The following C12orf54 variants were observed in gnomAD, a reference collection of about 807,000 sequenced individuals.
C12orf54 encodes the protein chromosome 12 open reading frame 54.
In C12orf54, 24 loss-of-function variants were observed where a neutral mutation model predicts 26.4. That is an observed-to-expected ratio of 0.91 (90% confidence interval 0.66 to 1.28). C12orf54 has a LOEUF of 1.28. C12orf54 is among the 50% of genes most tolerant of loss of function. The pLI, the probability that C12orf54 is intolerant of heterozygous loss-of-function variation, is 0.00. For missense variants in C12orf54, 154 were observed against 150.9 expected (o/e 1.02, Z -0.11); for synonymous variants, 54 against 47.0 (o/e 1.15, Z -0.61).
upstream of C12orf54, among the ~76,000 whole-genome samples, chr12:48,479,058 C>T (rs1185638493): frequency 6.6e-6 from 1 of 152,148 alleles, no homozygotes; most frequent in Non-Finnish European, 1.5e-5. Flanking sequence ...AAGATACATG[C>T]ACACGTATGT....
At chr12:48,472,577 G>C in the C12orf54 span, 1 of 1,516,232 alleles carries the variant, frequency 6.6e-7, no homozygotes, top group Non-Finnish European at 9.0e-7. Flanking sequence ...AGCAGAGCTG[G>C]TTGAGCTTTC....
the C12orf54 span, among the ~76,000 whole-genome samples, chr12:48,429,016 G>A: frequency 2.6e-5 from 4 of 152,056 alleles, no homozygotes; most frequent in East Asian, 3.8e-4. Flanking sequence ...TTTAACATAC[G>A]CAAGTCAATA....
the C12orf54 span, among the ~76,000 whole-genome samples, chr12:48,448,349 ACATAAATGTCT>A: frequency 8.0e-3 from 1,218 of 152,338 alleles, 9 homozygotes; most frequent in Middle Eastern, 0.041. Flanking sequence ...TAAAAACTTT[ACATAAATGTCT>A]CTTGTTATAT....
rs199649180 is a variant in C12orf54, at chr12:48,490,815, C to T, written c.172C>T (p.Gln58Ter). ...CTGTATTCTCATTATTTTTCAGCTG[C>T]AGGAAGATGCTCGGATTCGAGGTAA... The part of the protein sequence containing the change: ...TVFKDIQKEL[Q>*]EDARIRGMSN... The change falls in exon 6 of 9, where the codon CAG (glutamine) becomes TAG (stop). Residue 58 changes from glutamine to a stop codon, truncating the protein, a stop_gained. Transcript: ENST00000548364. LOFTEE classifies it high-confidence loss of function. The T allele has an allele frequency of 6.8e-6, 11 of 1,613,560 alleles. No individual in the cohort carries two copies. In the Admixed American group the frequency reaches 1.2e-4, roughly 17 times the overall value.
chr12:48,448,238 A>G, the C12orf54 span, among the ~76,000 whole-genome samples: 1 of 152,208 alleles, frequency 6.6e-6, no homozygotes, highest in Admixed American at 6.5e-5. Context: ...GTATTGTTTT[A>G]GTTTGCTATA....
chr12:48,418,212 G>A, the C12orf54 span, among the ~76,000 whole-genome samples: 1 of 152,208 alleles, frequency 6.6e-6, no homozygotes, highest in Non-Finnish European at 1.5e-5. Flanking sequence ...GGAAAGCAAA[G>A]CATGTATAAA....
the C12orf54 span, among the ~76,000 whole-genome samples, chr12:48,428,639 C>G: frequency 6.6e-6 from 1 of 152,028 alleles, no homozygotes; most frequent in Non-Finnish European, 1.5e-5. Context: ...ATACCCTAAA[C>G]AGACCAATAA....
chr12:48,419,906 A>T, the C12orf54 span, among the ~76,000 whole-genome samples: 4 of 152,212 alleles, frequency 2.6e-5, no homozygotes, highest in African/African-American at 7.2e-5. Context: ...AAAGAAATAT[A>T]TTAGCTCGCA....
At chr12:48,417,100 A>T in the C12orf54 span, 1 of 152,264 alleles carries the variant, frequency 6.6e-6, no homozygotes, top group Non-Finnish European at 1.5e-5. Flanking sequence ...TTTTCTTCAT[A>T]AATTACCCAA....
chr12:48,473,347 T>C, the C12orf54 span: 1 of 1,154,990 alleles, frequency 8.7e-7, no homozygotes, highest in Non-Finnish European at 1.3e-6. Flanking sequence ...GAAGAAGAGC[T>C]TGGTGAAGAA....
chr12:48,472,868 G>A, the C12orf54 span: 11 of 1,613,938 alleles, frequency 6.8e-6, no homozygotes, highest in African/African-American at 1.5e-4. Context: ...AACTTAAGAA[G>A]CTTGAACTAA....
intron 5 of C12orf54, chr12:48,489,185 G>A (rs928349970): frequency 1.4e-6 from 1 of 690,862 alleles, no homozygotes; most frequent in South Asian, 1.5e-5. Flanking sequence ...ACAGAAAATT[G>A]TATCTGCTAG....
chr12:48,414,035 A>G, the C12orf54 span, among the ~76,000 whole-genome samples: 1 of 152,250 alleles, frequency 6.6e-6, no homozygotes, highest in East Asian at 1.9e-4. Flanking sequence ...CTTTTGTCCA[A>G]AATCTGATAA....
the C12orf54 span, among the ~76,000 whole-genome samples, chr12:48,414,110 T>C: frequency 1.3e-5 from 2 of 152,232 alleles, no homozygotes; most frequent in Admixed American, 1.3e-4. Context: ...TCCTAAAATA[T>C]CTTATTCCAG....
the C12orf54 span, chr12:48,473,639 T>A: frequency 5.7e-5 from 15 of 262,204 alleles, no homozygotes; most frequent in South Asian, 1.9e-4. Flanking sequence ...TTCCCCCTAC[T>A]TTTTCCTTGT....
chr12:48,492,132 G>T (rs1937802163), intron 6 of C12orf54, among the ~76,000 whole-genome samples: 1 of 152,164 alleles, frequency 6.6e-6, no homozygotes. Flanking sequence ...TGGAGATTCT[G>T]ACTACTCTTG....
At chr12:48,487,215 A>G (rs1420236293) in intron 4 of C12orf54, among the ~76,000 whole-genome samples, 1 of 152,224 alleles carries the variant, frequency 6.6e-6, no homozygotes, top group Non-Finnish European at 1.5e-5. Context: ...CTTCACATAA[A>G]TACCAGCTAC....
At chr12:48,471,781 T>C in the C12orf54 span, among the ~76,000 whole-genome samples, 3 of 152,116 alleles carry the variant, frequency 2.0e-5, no homozygotes, top group Non-Finnish European at 2.9e-5. Context: ...TAGTGTGATG[T>C]CTCTGGCTTT....
chr12:48,448,520 G>T, the C12orf54 span, among the ~76,000 whole-genome samples: 1 of 152,086 alleles, frequency 6.6e-6, no homozygotes, highest in African/African-American at 2.4e-5. Context: ...GAAGATTAAA[G>T]AACAAGTAAG....
Sources: gnomAD v4.1 joint callset for allele counts (sites outside exome capture counted in the v4.1 genomes callset) on GRCh38, gnomAD v4.1.1 for gene constraint, MANE v1.5 for transcripts, NCBI Gene and HGNC (gene_info 2026-07-23, HGNC 2026-07-21) for gene names.